Variants in CDYL observed in about 807,000 individuals in gnomAD.
CDYL encodes chromodomain Y like, also known as chromodomain Y-like protein.
CDYL carries 8 observed loss-of-function variants against 47.3 expected under a neutral mutation model. The ratio of observed to expected loss-of-function variants is 0.17; its 90% CI spans 0.10 to 0.31. CDYL has a LOEUF of 0.31. Among genes scored for constraint, CDYL ranks in the 10% least tolerant of loss-of-function variants. CDYL has a pLI of 1.00. For missense variants in CDYL, 471 were observed against 701.4 expected (o/e 0.67, Z 3.71); for synonymous variants, 266 against 265.0 (o/e 1.00, Z -0.04).
intron 1 of CDYL, among the ~76,000 whole-genome samples, chr6:4,834,623 C>T (rs1295388983): frequency 1.3e-5 from 2 of 151,590 alleles, no homozygotes; most frequent in Non-Finnish European, 2.9e-5. Context: ...GTTGGCCTGC[C>T]TTGCTAGATT....
chr6:4,882,899 A>G lies in CDYL; in HGVS notation c.25-8814A>G, dbSNP rs148474246. Among the ~76,000 whole-genome samples the G allele has an allele frequency of 5.2e-3, 790 of 152,226 alleles. 5 individuals carry two copies. Among genetic ancestry groups the G allele is most frequent in the Admixed American group, 0.011 (162 of 15,288 alleles). ...ACTGGAGAGTGAGAAATTTAACCCAAACAAGTTGACGTACATTCTTGCCGT... is the reference window on the plus strand; with the variant it reads ...ACTGGAGAGTGAGAAATTTAACCCAGACAAGTTGACGTACATTCTTGCCGT... On this transcript the variant is annotated intron_variant, in intron 1 of 6. Coordinates refer to ENST00000397588, the MANE Select transcript of CDYL (RefSeq NM_004824.4).
intron 1 of CDYL, among the ~76,000 whole-genome samples, chr6:4,710,600 G>A (rs947349164): frequency 2.6e-5 from 4 of 152,074 alleles, no homozygotes; most frequent in Admixed American, 6.6e-5. Context: ...TTAGGGCCTC[G>A]TTTCACAGGC....
intron 3 of CDYL, among the ~76,000 whole-genome samples, chr6:4,764,612 G>A (rs1758224799): frequency 6.6e-6 from 1 of 152,152 alleles, no homozygotes; most frequent in Admixed American, 6.5e-5. Context: ...TAATATCAAA[G>A]TAGACAATGT....
chr6:4,937,838 A>T lies in CDYL; in HGVS notation c.1121+101A>T, dbSNP rs57986190. On this transcript the variant is annotated intron_variant, in intron 4 of 6. Transcript: ENST00000397588. ...TGACCAAGCCTTGAGAATAAGATAC[A>T]CATCTTCTCCCATGGAGAGACACGA... 10 of 846,254 alleles carry T rather than the reference A, an allele frequency of 1.2e-5. No individual in the cohort carries two copies. The South Asian group carries it at 1.3e-4, about 11-fold the overall frequency. The allele number at this position is 846,254 out of a possible 1,614,324, so 52.4% of individuals were successfully genotyped here. A position where few individuals can be genotyped will look rare whatever the true frequency, so the allele number is the denominator to read the frequency against.
intron 1 of CDYL, among the ~76,000 whole-genome samples, chr6:4,822,193 C>G (rs1353112975): frequency 6.6e-6 from 1 of 151,586 alleles, no homozygotes; most frequent in Non-Finnish European, 1.5e-5. Flanking sequence ...CGGGGGGCAT[C>G]TCACTGTGTC....
At chr6:4,745,673 A>G (rs1582305159) in intron 3 of CDYL, among the ~76,000 whole-genome samples, 1 of 152,242 alleles carries the variant, frequency 6.6e-6, no homozygotes, top group Non-Finnish European at 1.5e-5. Context: ...CCAGGGTCAA[A>G]GCCCAGCTCT....
At chr6:4,937,775 GT>G (rs759276015) in intron 4 of CDYL, 38 bp downstream of exon 4, 43 of 1,560,140 alleles carry the variant, frequency 2.8e-5, no homozygotes, top group Non-Finnish European at 3.7e-5. Context: ...TTGGTTGGGT[GT>G]TTTGTTTTTG....
chr6:4,920,539 C>G (rs1757681949), intron 2 of CDYL, among the ~76,000 whole-genome samples: 1 of 152,130 alleles, frequency 6.6e-6, no homozygotes, highest in African/African-American at 2.4e-5. Context: ...ACAGCAGTGC[C>G]CCAGCAGCTT....
intron 1 of CDYL, among the ~76,000 whole-genome samples, chr6:4,827,902 A>G (rs1581194060): frequency 6.6e-6 from 1 of 152,024 alleles, no homozygotes; most frequent in Non-Finnish European, 1.5e-5. Context: ...TGATCCGCCC[A>G]CCTCGTCCTC....
intron 5 of CDYL, 105 bp downstream of exon 5, chr6:4,943,861 G>A (rs1293188112): frequency 1.2e-6 from 1 of 812,992 alleles, no homozygotes; most frequent in East Asian, 2.6e-5. Flanking sequence ...GTGTCATTCT[G>A]TGGGGACTTT....
chr6:4,925,989 C>A (rs1757862375), intron 2 of CDYL, among the ~76,000 whole-genome samples: 1 of 152,142 alleles, frequency 6.6e-6, no homozygotes, highest in Non-Finnish European at 1.5e-5. Flanking sequence ...ATTCATTATT[C>A]TTTTCAAAAA....
intron 2 of CDYL, among the ~76,000 whole-genome samples, chr6:4,924,122 A>T (rs1201376740): frequency 6.6e-6 from 1 of 152,158 alleles, no homozygotes; most frequent in African/African-American, 2.4e-5. Context: ...GGAAAATATA[A>T]TTAATTATCT....
At chr6:4,808,435 G>T (rs921049330) in intron 1 of CDYL, among the ~76,000 whole-genome samples, 2 of 152,182 alleles carry the variant, frequency 1.3e-5, no homozygotes, top group Non-Finnish European at 1.5e-5. Flanking sequence ...TCCGCTGTCT[G>T]TAATACATTT....
intron 1 of CDYL, among the ~76,000 whole-genome samples, chr6:4,859,524 C>T (rs1351846389): frequency 6.6e-6 from 1 of 152,128 alleles, no homozygotes; most frequent in African/African-American, 2.4e-5. Flanking sequence ...GTAAGGAAAG[C>T]ACAATTTAAG....
chr6:4,757,896 T>C lies in CDYL; in HGVS notation c.186+23052T>C, dbSNP rs76818445. ...AAATAAAAATAAGTAAATAAACTTATTAAAATCCTCCCAAAAGATGGCTTT... is the reference window on the plus strand; with the variant it reads ...AAATAAAAATAAGTAAATAAACTTACTAAAATCCTCCCAAAAGATGGCTTT... On this transcript the variant is annotated intron_variant, in intron 3 of 8. Transcript: ENST00000328908. Among the ~76,000 whole-genome samples, 354 of 152,166 alleles carry C rather than the reference T, an allele frequency of 2.3e-3. 2 individuals carry two copies. In the East Asian group the frequency reaches 0.03, roughly 13 times the overall value.
At position 4,950,091 on chromosome 6, in the gene CDYL, A is replaced by G. The variant is rs189748312; in HGVS notation, c.1333-2175A>G. On this transcript the variant is annotated intron_variant, in intron 5 of 6. Coordinates refer to ENST00000397588, the MANE Select transcript of CDYL (RefSeq NM_004824.4). ...AGAAGGGCCGTTCTCGGCTGGTATCAGGCCCAAGAGAGTCAACAAAGGGGG... is the reference window on the plus strand; with the variant it reads ...AGAAGGGCCGTTCTCGGCTGGTATCGGGCCCAAGAGAGTCAACAAAGGGGG... Among the ~76,000 whole-genome samples, 829 of 152,290 alleles carry G rather than the reference A, an allele frequency of 5.4e-3. 3 individuals carry two copies. The highest frequency in any genetic ancestry group is 7.0e-3 in the Non-Finnish European group (474 of 68,024).
At chr6:4,913,812 A>G (rs930719020) in intron 2 of CDYL, among the ~76,000 whole-genome samples, 1 of 152,362 alleles carries the variant, frequency 6.6e-6, no homozygotes. Context: ...GACAACAGGT[A>G]AACAAATGAA....
chr6:4,789,206 G>T (rs1758848943), intron 1 of CDYL, among the ~76,000 whole-genome samples: 1 of 152,152 alleles, frequency 6.6e-6, no homozygotes, highest in Non-Finnish European at 1.5e-5. Context: ...CTGCCGAGTA[G>T]CTGGAACCAT....
At chr6:4,815,942 C>T (rs1270914266) in intron 1 of CDYL, among the ~76,000 whole-genome samples, 1 of 148,380 alleles carries the variant, frequency 6.7e-6, no homozygotes, top group African/African-American at 2.5e-5. Flanking sequence ...TATAAACACC[C>T]TCCTATATTT....
Sources: gnomAD v4.1 joint callset for allele counts (sites outside exome capture counted in the v4.1 genomes callset) on GRCh38, gnomAD v4.1.1 for gene constraint, MANE v1.5 for transcripts, NCBI Gene and HGNC (gene_info 2026-07-23, HGNC 2026-07-21) for gene names.